MGAT4D: variants seen among roughly 807,000 people sequenced by gnomAD.
MGAT4D encodes MGAT4 family member D.
MGAT4D carries 34 observed loss-of-function variants against 15.9 expected under a neutral mutation model. That is an observed-to-expected ratio of 2.14 (90% confidence interval 1.62 to 2.84). MGAT4D has a LOEUF of 2.84. Ranked by LOEUF, MGAT4D falls within the 30% of genes most tolerant of loss-of-function variation. MGAT4D has a pLI of 0.00. For missense variants in MGAT4D, 327 were observed against 140.2 expected (o/e 2.33, Z -6.73); for synonymous variants, 112 against 48.2 (o/e 2.33, Z -5.49).
intron 3 of MGAT4D, among the ~76,000 whole-genome samples, chr4:140,475,795 T>C (rs910637796): frequency 3.9e-4 from 59 of 150,470 alleles, no homozygotes; most frequent in African/African-American, 1.4e-3. Context: ...TCTTCACATG[T>C]TTATTGGCTT....
chr4:140,453,064 T>C (rs1730573290), intron 9 of MGAT4D, among the ~76,000 whole-genome samples: 1 of 152,196 alleles, frequency 6.6e-6, no homozygotes, highest in Admixed American at 6.5e-5. Flanking sequence ...TTATATTTTG[T>C]GGGCCTATTT....
chr4:140,498,020 C>G, intron 1 of MGAT4D, 109 bp downstream of exon 1: 1 of 553,296 alleles, frequency 1.8e-6, no homozygotes. Context: ...GCGGCCGCCG[C>G]CAGCTTCCCG....
intron 1 of MGAT4D, among the ~76,000 whole-genome samples, chr4:140,492,412 C>T (rs1342042258): frequency 6.6e-6 from 1 of 152,002 alleles, no homozygotes; most frequent in Admixed American, 6.6e-5. Context: ...AGTGATTGTT[C>T]GAGATCAGGA....
At chr4:140,487,856 C>T (rs1317243598) in intron 1 of MGAT4D, among the ~76,000 whole-genome samples, 1 of 152,180 alleles carries the variant, frequency 6.6e-6, no homozygotes, top group Non-Finnish European at 1.5e-5. Flanking sequence ...CACCTGACTA[C>T]CACACTGGAT....
At chr4:140,458,541 C>T (rs1167391489) in intron 8 of MGAT4D, 3 of 152,154 alleles carry the variant, frequency 2.0e-5, no homozygotes, top group African/African-American at 7.2e-5. Context: ...GTTTTATATG[C>T]ATGATCTCTA....
chr4:140,446,770 T>G (rs1330141311), intron 10 of MGAT4D, among the ~76,000 whole-genome samples: 1 of 133,944 alleles, frequency 7.5e-6, no homozygotes, highest in Admixed American at 7.6e-5. Context: ...TTTTTTTTTT[T>G]TTTTTTTTTT....
intron 1 of MGAT4D, among the ~76,000 whole-genome samples, chr4:140,497,331 C>G (rs752110176): frequency 2.1e-4 from 32 of 151,900 alleles, no homozygotes; most frequent in Middle Eastern, 3.2e-3. Flanking sequence ...CCGCGGACAA[C>G]TAGGGTTAAA....
At chr4:140,467,885 T>C (rs969262943) in intron 5 of MGAT4D, among the ~76,000 whole-genome samples, 1 of 152,006 alleles carries the variant, frequency 6.6e-6, no homozygotes, top group Non-Finnish European at 1.5e-5. Flanking sequence ...AAAAATTATA[T>C]AGTTTCAATC....
intron 1 of MGAT4D, among the ~76,000 whole-genome samples, chr4:140,487,864 G>T (rs978058650): frequency 6.6e-6 from 1 of 152,118 alleles, no homozygotes; most frequent in Admixed American, 6.5e-5. Flanking sequence ...TACCACACTG[G>T]ATGGCATAAG....
chr4:140,497,657 A>C (rs772484494), intron 1 of MGAT4D, among the ~76,000 whole-genome samples: 28 of 152,264 alleles, frequency 1.8e-4, no homozygotes, highest in Non-Finnish European at 3.1e-4. Context: ...GTACGCAAAA[A>C]ACACTCCAGG....
intron 4 of MGAT4D, among the ~76,000 whole-genome samples, chr4:140,472,570 T>A (rs4956445): frequency 0.25 from 37,559 of 152,092 alleles, 5,002 homozygotes; most frequent in East Asian, 0.48. Flanking sequence ...ATAGCAGACA[T>A]GATGTAGATA....
At chr4:140,452,570 G>A (rs1401925902) in intron 9 of MGAT4D, among the ~76,000 whole-genome samples, 1 of 152,064 alleles carries the variant, frequency 6.6e-6, no homozygotes, top group Non-Finnish European at 1.5e-5. Flanking sequence ...CTACTTTTAT[G>A]GAGTCTGGAT....
chr4:140,454,814 G>C (rs1461069248), intron 9 of MGAT4D, among the ~76,000 whole-genome samples: 1 of 152,094 alleles, frequency 6.6e-6, no homozygotes, highest in Non-Finnish European at 1.5e-5. Context: ...TTTTGGATGA[G>C]TTTTGATAGC....
chr4:140,461,723 T>C (rs1731189008), intron 7 of MGAT4D, among the ~76,000 whole-genome samples: 1 of 152,180 alleles, frequency 6.6e-6, no homozygotes, highest in Non-Finnish European at 1.5e-5. Flanking sequence ...TAATCAATTT[T>C]AAACTTCCTT....
chr4:140,463,422 C>G (rs1338401460), intron 6 of MGAT4D, among the ~76,000 whole-genome samples: 1 of 151,440 alleles, frequency 6.6e-6, no homozygotes, highest in East Asian at 1.9e-4. Flanking sequence ...TGTGGGCAGG[C>G]AGGGAGGGGT....
intron 5 of MGAT4D, among the ~76,000 whole-genome samples, chr4:140,467,409 A>C (rs1239794465): frequency 6.6e-6 from 1 of 152,148 alleles, no homozygotes; most frequent in African/African-American, 2.4e-5. Context: ...CAGCATACAC[A>C]ATCATCAAAA....
chr4:140,489,946 G>A (rs1578720998), intron 1 of MGAT4D, among the ~76,000 whole-genome samples: 1 of 152,102 alleles, frequency 6.6e-6, no homozygotes, highest in Admixed American at 6.5e-5. Context: ...TGATAAGGCT[G>A]TACACTCATT....
chr4:140,448,130 C>A (rs986915604), intron 10 of MGAT4D, among the ~76,000 whole-genome samples: 1 of 152,128 alleles, frequency 6.6e-6, no homozygotes. Context: ...GTCTGGCTGC[C>A]TTTAGCATTC....
intron 2 of MGAT4D, 49 bp downstream of exon 2, chr4:140,482,278 G>A (rs1732785646): frequency 3.5e-6 from 2 of 576,990 alleles, no homozygotes; most frequent in Non-Finnish European, 6.0e-6. Flanking sequence ...ATAAGACATT[G>A]AATCTACATT....
Sources: allele counts gnomAD v4.1 joint callset (sites outside exome capture counted in the v4.1 genomes callset), GRCh38; gene constraint gnomAD v4.1.1; transcripts MANE v1.5; gene names NCBI Gene and HGNC (gene_info 2026-07-23, HGNC 2026-07-21).